The following CDKL2 variants were observed in gnomAD, a reference collection of about 807,000 sequenced individuals.
CDKL2 encodes cyclin-dependent kinase-like 2.
In CDKL2, 64 loss-of-function variants were observed where a neutral mutation model predicts 63.9. The ratio of observed to expected loss-of-function variants is 1.00; its 90% CI spans 0.82 to 1.23. CDKL2 has a LOEUF of 1.23. Among genes scored for constraint, CDKL2 ranks in the 50% most tolerant of loss-of-function variants. CDKL2 has a pLI of 0.00. For synonymous variants in CDKL2, 211 were observed against 229.2 expected, an observed-to-expected ratio of 0.92 and a Z score of 0.72; for missense variants, 656 against 668.0, an observed-to-expected ratio of 0.98 and a Z score of 0.20.
intron 6 of CDKL2, among the ~76,000 whole-genome samples, chr4:75,602,944 A>ATGTT (rs1234153064): frequency 6.8e-6 from 1 of 146,868 alleles, no homozygotes; most frequent in Non-Finnish European, 1.5e-5. Flanking sequence ...TTCAGTGAGG[A>ATGTT]TGTTTTCACA....
intron 2 of CDKL2, among the ~76,000 whole-genome samples, chr4:75,615,702 G>GTA (rs1173359444): frequency 2.0e-5 from 3 of 152,206 alleles, no homozygotes; most frequent in Admixed American, 2.0e-4. Context: ...AGATAAAAGT[G>GTA]TATATATACA....
chr4:75,596,737 G>C (rs556989848), intron 9 of CDKL2, among the ~76,000 whole-genome samples, 198 bp downstream of exon 9: 2 of 152,220 alleles, frequency 1.3e-5, no homozygotes, highest in Admixed American at 6.5e-5. Context: ...TACTTTCTCA[G>C]GACTTTGGTG....
chr4:75,621,553 C>T (rs1302321919), intron 2 of CDKL2, among the ~76,000 whole-genome samples: 1 of 151,600 alleles, frequency 6.6e-6, no homozygotes, highest in African/African-American at 2.4e-5. Flanking sequence ...GCGATGAGAT[C>T]TCACTACAGT....
intron 12 of CDKL2, among the ~76,000 whole-genome samples, chr4:75,583,793 A>T (rs575642200): frequency 1.3e-5 from 2 of 152,192 alleles, no homozygotes; most frequent in South Asian, 4.1e-4. Flanking sequence ...TTAGTGATGT[A>T]TATTGTAATT....
In CDKL2 at chr4:75,590,680, A is replaced by G. The variant is rs575848985; in HGVS notation, c.1647+1139T>C. Among the ~76,000 whole-genome samples the G allele has an allele frequency of 2.1e-3, 325 of 152,304 alleles. 1 individual carries two copies. The highest frequency in any genetic ancestry group is 6.9e-3 in the African/African-American group (287 of 41,568). ...CAGTGAGCTGAGATTGTGCCACTGC[A>G]CTCCAGCCTGGGCGACAGAGTGAGA... On this transcript the variant is annotated intron_variant, in intron 12 of 13. Transcript: ENST00000307465.
At chr4:75,618,883 A>G (rs992033529) in intron 2 of CDKL2, among the ~76,000 whole-genome samples, 4 of 152,232 alleles carry the variant, frequency 2.6e-5, no homozygotes, top group African/African-American at 9.6e-5. Context: ...AGGCATCACT[A>G]GACTTAATTT....
At chr4:75,580,447 T>G (rs1728210451) in intron 13 of CDKL2, among the ~76,000 whole-genome samples, 1 of 151,704 alleles carries the variant, frequency 6.6e-6, no homozygotes, top group Non-Finnish European at 1.5e-5. Flanking sequence ...GGGCAGATCA[T>G]TTGAGCTCAG....
chr4:75,590,122 T>C (rs1728653131), intron 12 of CDKL2, among the ~76,000 whole-genome samples: 1 of 150,484 alleles, frequency 6.6e-6, no homozygotes, highest in Non-Finnish European at 1.5e-5. Flanking sequence ...AGCCATGATG[T>C]TGCCACTGCA....
intron 2 of CDKL2, among the ~76,000 whole-genome samples, chr4:75,619,577 T>TAAAAAA (rs71203836): frequency 5.4e-4 from 42 of 78,140 alleles, no homozygotes; most frequent in African/African-American, 8.7e-4. Flanking sequence ...CACAGCTGTA[T>TAAAAAA]AAAAAAAAAA....
intron 12 of CDKL2, among the ~76,000 whole-genome samples, chr4:75,590,191 T>G (rs1319326041): frequency 6.6e-6 from 1 of 151,984 alleles, no homozygotes; most frequent in Non-Finnish European, 1.5e-5. Flanking sequence ...AAGAAGTATA[T>G]AAGAAATGTA....
chr4:75,599,383 G>A (rs1453637540), intron 7 of CDKL2, among the ~76,000 whole-genome samples: 1 of 151,878 alleles, frequency 6.6e-6, no homozygotes, highest in Non-Finnish European at 1.5e-5. Flanking sequence ...CCAACACAGA[G>A]AAACCCCATC....
At position 75,594,830 on chromosome 4, in the gene CDKL2, G is replaced by A. The variant is rs1161636469; in HGVS notation, c.1416+1417C>T. On this transcript the variant is annotated intron_variant, in intron 10 of 13. Coordinates refer to ENST00000307465, the MANE Select transcript of CDKL2 (RefSeq NM_001330724.2). ...GAATAACAAGGAAATCAGTGTGGTA[G>A]AACAGATTGATGGAGAAAGAGTAGG... Among the ~76,000 whole-genome samples the A allele has an allele frequency of 2.0e-5, 3 of 152,344 alleles. No individual in the cohort carries two copies. The East Asian group carries it at 5.8e-4, about 29-fold the overall frequency.
rs138252207 is a variant in CDKL2, at chr4:75,583,019, G to A, written c.1648-1121C>T. 3.2e-3 allele frequency among the ~76,000 whole-genome samples: 487 copies of A among 152,254 alleles called. 2 individuals are homozygous for A. The highest frequency in any genetic ancestry group is 0.011 in the African/African-American group (439 of 41,560). ...AGAAAAACTAAGAACATTTGTCACC[G>A]TCAGACCTGCTCTGCAAGAAATGCT... On this transcript the variant is annotated intron_variant, in intron 12 of 13. Coordinates refer to ENST00000307465, the MANE Select transcript of CDKL2 (RefSeq NM_001330724.2).
At chr4:75,586,418 G>A (rs1436517743) in intron 12 of CDKL2, among the ~76,000 whole-genome samples, 1 of 151,790 alleles carries the variant, frequency 6.6e-6, no homozygotes, top group Non-Finnish European at 1.5e-5. Context: ...AGTAGAGATG[G>A]GGTTTCACCA....
chr4:75,591,334 A>C (rs1036526051), intron 12 of CDKL2, among the ~76,000 whole-genome samples: 2 of 152,258 alleles, frequency 1.3e-5, no homozygotes, highest in Non-Finnish European at 2.9e-5. Flanking sequence ...CATAGCTCAC[A>C]TCTGTAATTC....
intron 12 of CDKL2, among the ~76,000 whole-genome samples, chr4:75,588,697 G>C (rs1447928827): frequency 3.9e-5 from 6 of 152,290 alleles, no homozygotes; most frequent in African/African-American, 1.4e-4. Flanking sequence ...TGTCCACTAA[G>C]AGGGCCTTGG....
rs528080191 is a variant in CDKL2, at chr4:75,626,540, G to C, written c.-29-523C>G. Reference sequence around the variant, plus strand: ...AAATTAGCCGGACTTGGTGGCAGGCGCCTGTAGTCCCAGCTACTCGGGAGG... The same window carrying C: ...AAATTAGCCGGACTTGGTGGCAGGCCCCTGTAGTCCCAGCTACTCGGGAGG... On this transcript the variant is annotated intron_variant, in intron 1 of 13. Coordinates refer to ENST00000307465, the MANE Select transcript of CDKL2 (RefSeq NM_001330724.2). 1.4e-4 allele frequency among the ~76,000 whole-genome samples: 21 copies of C among 152,136 alleles called. No homozygotes were observed. In the East Asian group the frequency reaches 3.9e-3, roughly 28 times the overall value.
At chr4:75,600,536 G>A (rs1277656195) in intron 6 of CDKL2, among the ~76,000 whole-genome samples, 167 bp from the exon 7 acceptor site, 3 of 151,686 alleles carry the variant, frequency 2.0e-5, no homozygotes, top group East Asian at 1.9e-4. Flanking sequence ...CTACTTAACC[G>A]CAGCCTTGAC....
chr4:75,612,862 C>T (rs1729762299), intron 3 of CDKL2, among the ~76,000 whole-genome samples: 1 of 152,192 alleles, frequency 6.6e-6, no homozygotes, highest in African/African-American at 2.4e-5. Flanking sequence ...CGGTGGCTCA[C>T]GCCTGTAATC....
Sources: allele counts gnomAD v4.1 joint callset (sites outside exome capture counted in the v4.1 genomes callset), GRCh38; gene constraint gnomAD v4.1.1; transcripts MANE v1.5; gene names NCBI Gene and HGNC (gene_info 2026-07-23, HGNC 2026-07-21).